The following FOXC1 variants were observed in gnomAD, a reference collection of about 807,000 sequenced individuals.
FOXC1 encodes forkhead box protein C1.
Under a neutral mutation model 8.1 loss-of-function variants are expected in FOXC1, and 5 were observed. The ratio of observed to expected loss-of-function variants is 0.62; its 90% CI spans 0.32 to 1.30. The LOEUF (loss-of-function observed/expected upper bound fraction) is 1.30. FOXC1 is among the 50% of genes most tolerant of loss of function. The pLI is 0.05. For synonymous variants in FOXC1, 552 were observed against 417.2 expected, an observed-to-expected ratio of 1.32 and a Z score of -3.94; for missense variants, 942 against 858.0, an observed-to-expected ratio of 1.10 and a Z score of -1.22.
At position 1,610,710 on chromosome 6, in the gene FOXC1, A is replaced by G; in HGVS notation, c.265A>G (p.Met89Val). 1.9e-6 allele frequency: 3 copies of G among 1,613,898 alleles called. No homozygotes were observed. The highest frequency in any genetic ancestry group is 1.7e-5 in the Admixed American group (1 of 60,016). The change falls in exon 1 of 1, where the codon ATG becomes GTG. Residue 89 changes from methionine to valine, a missense_variant. By Grantham distance (21) the Met-to-Val change is conservative (BLOSUM62 1). Around this residue, in one of 4 missense-constraint regions of FOXC1, gnomAD observed 190 missense variants for 176.8 expected, o/e 1.07. Transcript: ENST00000645831. The part of the protein sequence containing the change: ...PPYSYIALIT[M>V]AIQNAPDKKI... ...CTATAGCTACATCGCGCTCATCACC[A>G]TGGCCATCCAGAACGCCCCGGACAA...
At position 1,610,603 on chromosome 6, in the gene FOXC1, C is replaced by G; in HGVS notation, c.158C>G (p.Ala53Gly). Residue 53 changes from alanine (A) to glycine (G), a missense_variant, in exon 1 of 1, where the codon GCC becomes GGC. Physicochemically the swap from Ala to Gly is moderately conservative, Grantham distance 60 (BLOSUM62 0). This residue lies in a region of FOXC1 where 190 missense variants were observed against 176.8 expected (regional missense o/e 1.07). Coordinates refer to ENST00000645831, the MANE Select transcript of FOXC1 (RefSeq NM_001453.3). ...PMSVYSHPAH[A>G]EQYPGGMARA... ...AGCGTGTACTCGCACCCTGCGCACGCCGAGCAGTACCCGGGCGGCATGGCC... is the reference window on the plus strand; with the variant it reads ...AGCGTGTACTCGCACCCTGCGCACGGCGAGCAGTACCCGGGCGGCATGGCC... 1 of 1,609,060 alleles carries G rather than the reference C, an allele frequency of 6.2e-7. No individual in the cohort carries two copies. The highest frequency in any genetic ancestry group is 8.5e-7 in the Non-Finnish European group (1 of 1,178,618).
chr6:1,611,122 T>A lies in FOXC1; in HGVS notation c.677T>A (p.Ile226Asn). 1 of 1,413,284 alleles carries A rather than the reference T, an allele frequency of 7.1e-7. No individual in the cohort carries two copies. Among genetic ancestry groups the A allele is most frequent in the Non-Finnish European group, 9.3e-7 (1 of 1,072,760 alleles). 87.5% of individuals were successfully genotyped at this position (1,413,284 alleles called of 1,614,324 possible). A position where few individuals can be genotyped will look rare whatever the true frequency, so the allele number is the denominator to read the frequency against. Residue 226 changes from isoleucine (I) to asparagine (N), a missense_variant, in exon 1 of 1, where the codon ATC becomes AAC. Transcript: ENST00000645831. This position sits in a 1 kb window ranked among gnomAD's most constrained non-coding sequence, Gnocchi z 7.1. ...CCGCCGCCCGTGCGCATCCAGGACA[T>A]CAAGACCGAGAACGGTACGTGCCCC... is the stretch of plus-strand genomic sequence containing the variant. ...PQPPPVRIQDIKTENGTCPSP... is the reference protein window; with the variant it reads ...PQPPPVRIQDNKTENGTCPSP...
At position 1,610,529 on chromosome 6, in the gene FOXC1, G is replaced by T; in HGVS notation, c.84G>T (p.Ala28=). Residue 28 remains alanine (A), a synonymous_variant, in exon 1 of 1, where the codon GCG becomes GCT. Transcript: ENST00000645831. ...GCGGCGAGCAGAGCTACTACCGCGC[G>T]GCGGCCGCGGCGGCCGGGGGCGGCT... ...YLGGEQSYYR[A]AAAAAGGGYT... The T allele has an allele frequency of 6.5e-7, 1 of 1,530,210 alleles. No homozygotes were observed. The allele number at this position is 1,530,210 out of a possible 1,614,324, so 94.8% of individuals were successfully genotyped here. A position where few individuals can be genotyped will look rare whatever the true frequency, so the allele number is the denominator to read the frequency against.
chr6:1,611,634 C>T lies in FOXC1; in HGVS notation c.1189C>T (p.Leu397=), dbSNP rs771039137. 4.1e-4 allele frequency: 543 copies of T among 1,319,086 alleles called. No homozygotes were observed. The highest frequency in any genetic ancestry group is 5.0e-4 in the Non-Finnish European group (518 of 1,043,120). 81.7% of individuals were successfully genotyped at this position (1,319,086 alleles called of 1,614,324 possible). ...CGGCGCCGGGACCTACCACTGCAAC[C>T]TGCAAGCCATGAGCCTGTACGCGGC... ...AGGAGTYHCN[L]QAMSLYAAGE... The change falls in exon 1 of 1, where the codon CTG becomes TTG. Residue 397 remains leucine (L), a synonymous_variant. Coordinates refer to ENST00000645831, the MANE Select transcript of FOXC1 (RefSeq NM_001453.3). This position sits in a 1 kb window ranked among gnomAD's most constrained non-coding sequence, Gnocchi z 7.1.
chr6:1,611,025 C>T lies in FOXC1; in HGVS notation c.580C>T (p.Pro194Ser), dbSNP rs767879416. 1.9e-6 allele frequency: 3 copies of T among 1,557,780 alleles called. No individual in the cohort carries two copies. Among genetic ancestry groups the T allele is most frequent in the East Asian group, 2.4e-5 (1 of 40,958 alleles). The change falls in exon 1 of 1, where the codon CCG (proline) becomes TCG (serine). Residue 194 changes from proline to serine, a missense_variant. This residue lies in a region of FOXC1 where 726 missense variants were observed against 599.6 expected (regional missense o/e 1.21). Coordinates refer to ENST00000645831, the MANE Select transcript of FOXC1 (RefSeq NM_001453.3). The surrounding 1 kb of genome is among the most constrained non-coding windows in gnomAD (Gnocchi z 7.1). ...GAAGGACAGGCTGCACCTCAAGGAG[C>T]CGCCCCCGCCCGGCCGCCAGCCCCC... is the stretch of plus-strand genomic sequence containing the variant. ...EEKDRLHLKE[P>S]PPPGRQPPPA...
Position 1,611,394 on chromosome 6 carries a change from C to T in FOXC1, c.949C>T (p.Leu317=), listed in dbSNP as rs1441009622. The change falls in exon 1 of 1, where the codon CTG becomes TTG. Residue 317 remains leucine, a synonymous_variant. Transcript: ENST00000645831. This position sits in a 1 kb window ranked among gnomAD's most constrained non-coding sequence, Gnocchi z 7.1. ...GFSVDNIMTS[L]RGSPQSAAAE... ...CAGCGTGGACAACATCATGACGTCG[C>T]TGCGGGGGTCGCCGCAGAGCGCGGC... 1 of 1,451,038 alleles carries T rather than the reference C, an allele frequency of 6.9e-7. No individual in the cohort carries two copies. Among genetic ancestry groups the T allele is most frequent in the Admixed American group, 2.3e-5 (1 of 42,908 alleles). The allele number at this position is 1,451,038 out of a possible 1,614,324, so 89.9% of individuals were successfully genotyped here.
chr6:1,612,203 TAAA>T lies in FOXC1; in HGVS notation c.*102_*104del. 1.3e-6 allele frequency: 2 copies of T among 1,541,174 alleles called. No homozygotes were observed. The highest frequency in any genetic ancestry group is 1.8e-6 in the Non-Finnish European group (2 of 1,134,048). On this transcript the variant is annotated 3_prime_UTR_variant, in exon 1 of 1. Coordinates refer to ENST00000645831, the MANE Select transcript of FOXC1 (RefSeq NM_001453.3). ...CGAAACTAAAAAAAAAAAATCCAAT[TAAA>T]AAAAACCCCTGAGAATATTCACCAC...
In FOXC1 at chr6:1,610,977, G is replaced by C. The variant is rs751970827; in HGVS notation, c.532G>C (p.Asp178His). Residue 178 changes from aspartate (D) to histidine (H), a missense_variant, in exon 1 of 1, where the codon GAC becomes CAC. Transcript: ENST00000645831. Reference protein sequence around the residue: ...LRRRRRFKKKDAVKDKEEKDR... With the variant: ...LRRRRRFKKKHAVKDKEEKDR... ...GCGGCGGCGGCGCTTCAAGAAGAAG[G>C]ACGCGGTGAAGGACAAGGAGGAGAA... 2.6e-5 allele frequency: 42 copies of C among 1,613,076 alleles called. No individual in the cohort carries two copies. The highest frequency in any genetic ancestry group is 1.8e-4 in the East Asian group (8 of 44,820).
At position 1,610,402 on chromosome 6, in the gene FOXC1, G is replaced by A; in HGVS notation, c.-44G>A. 3.5e-6 allele frequency: 4 copies of A among 1,126,884 alleles called. No homozygotes were observed. The highest frequency in any genetic ancestry group is 4.4e-6 in the Non-Finnish European group (4 of 913,408). The allele number at this position is 1,126,884 out of a possible 1,614,324, so 69.8% of individuals were successfully genotyped here. ...CGCGGCGCGGCCCGGCCCGAGCGAG[G>A]GTGGGGGGCGGCGGGCGGCGCGGGG... is the stretch of plus-strand genomic sequence containing the variant. On this transcript the variant is annotated 5_prime_UTR_variant, in exon 1 of 1. Transcript: ENST00000645831.
At position 1,610,427 on chromosome 6, in the gene FOXC1, G is replaced by T. The variant is rs1762514206; in HGVS notation, c.-19G>T. 16 of 1,264,970 alleles carry T rather than the reference G, an allele frequency of 1.3e-5. No individual in the cohort carries two copies. Among genetic ancestry groups the T allele is most frequent in the Non-Finnish European group, 1.5e-5 (15 of 1,002,024 alleles). 78.4% of individuals were successfully genotyped at this position (1,264,970 alleles called of 1,614,324 possible). ...GGTGGGGGGCGGCGGGCGGCGCGGG[G>T]CGGCGGCGAGCGGGGGCCATGCAGG... is the stretch of plus-strand genomic sequence containing the variant. On this transcript the variant is annotated 5_prime_UTR_variant, in exon 1 of 1. Transcript: ENST00000645831.
Position 1,612,281 on chromosome 6 carries a change from C to A in FOXC1, c.*174C>A. 3.2e-6 allele frequency: 3 copies of A among 941,920 alleles called. No homozygotes were observed. Among genetic ancestry groups the A allele is most frequent in the Non-Finnish European group, 4.8e-6 (3 of 624,026 alleles). The allele number at this position is 941,920 out of a possible 1,614,324, so 58.3% of individuals were successfully genotyped here. On this transcript the variant is annotated 3_prime_UTR_variant, in exon 1 of 1. Transcript: ENST00000645831. ...AAAATTCAGCTCACCAGCACCAGCA[C>A]GAAGAAAACTCTATTTTCTTAACCG...
Position 1,612,110 on chromosome 6 carries a change from C to T in FOXC1, c.*3C>T, listed in dbSNP as rs1356049082. 4.3e-6 allele frequency: 7 copies of T among 1,613,932 alleles called. No homozygotes were observed. Among genetic ancestry groups the T allele is most frequent in the Middle Eastern group, 1.6e-4 (1 of 6,062 alleles). Reference sequence around the variant, plus strand: ...TCTACGACTGTAGCAAGTTTTGACACACCCTCAAAGCCGAACTAAATCGAA... The same window carrying T: ...TCTACGACTGTAGCAAGTTTTGACATACCCTCAAAGCCGAACTAAATCGAA... On this transcript the variant is annotated 3_prime_UTR_variant, in exon 1 of 1. Transcript: ENST00000645831.
rs1258567842 is a variant in FOXC1, at chr6:1,612,758, CTTTT to C, written c.*652_*655del. On this transcript the variant is annotated 3_prime_UTR_variant, in exon 1 of 1. Coordinates refer to ENST00000645831, the MANE Select transcript of FOXC1 (RefSeq NM_001453.3). ...AACTGTATTAATCTTATTCTATCCT[CTTTT>C]CTTTCTTTTTGTTGAACATATTCAT... 9.4e-6 allele frequency: 2 copies of C among 211,780 alleles called. No individual in the cohort carries two copies. Among genetic ancestry groups the C allele is most frequent in the Non-Finnish European group, 2.1e-5 (2 of 95,484 alleles). 13.1% of individuals were successfully genotyped at this position (211,780 alleles called of 1,614,324 possible).
chr6:1,611,213 G>C lies in FOXC1; in HGVS notation c.768G>C (p.Lys256Asn). The change falls in exon 1 of 1, where the codon AAG (lysine) becomes AAC (asparagine). Residue 256 changes from lysine to asparagine, a missense_variant. By Grantham distance (94) the Lys-to-Asn change is moderately conservative. This residue lies in a region of FOXC1 where 726 missense variants were observed against 599.6 expected (regional missense o/e 1.21). Coordinates refer to ENST00000645831, the MANE Select transcript of FOXC1 (RefSeq NM_001453.3). This position sits in a 1 kb window ranked among gnomAD's most constrained non-coding sequence, Gnocchi z 7.1. ...GCGGCAGCGCCGCCGCGGTGCCCAA[G>C]ATCGAGAGCCCCGACAGCAGCAGCA... Reference protein sequence around the residue: ...LGSGSAAAVPKIESPDSSSSS... With the variant: ...LGSGSAAAVPNIESPDSSSSS... 6.9e-7 allele frequency: 1 copy of C among 1,458,528 alleles called. No individual in the cohort carries two copies. Among genetic ancestry groups the C allele is most frequent in the Non-Finnish European group, 9.0e-7 (1 of 1,105,732 alleles). The allele number at this position is 1,458,528 out of a possible 1,614,324, so 90.3% of individuals were successfully genotyped here.
In FOXC1 at chr6:1,611,493, C is replaced by T. The variant is rs1255433970; in HGVS notation, c.1048C>T (p.Leu350Phe). 7 of 1,376,420 alleles carry T rather than the reference C, an allele frequency of 5.1e-6. No individual in the cohort carries two copies. Among genetic ancestry groups the T allele is most frequent in the Non-Finnish European group, 6.6e-6 (7 of 1,060,088 alleles). 85.3% of individuals were successfully genotyped at this position (1,376,420 alleles called of 1,614,324 possible). ...CGCGGGGATCGCACCCCCGCTGGCG[C>T]TCGGCGCCTACTCGCCCGGCCAGAG... ...SRAGIAPPLA[L>F]GAYSPGQSSL... The change falls in exon 1 of 1, where the codon CTC (leucine) becomes TTC (phenylalanine). Residue 350 changes from leucine (L) to phenylalanine (F), a missense_variant. Physicochemically the swap from Leu to Phe is conservative, Grantham distance 22. Around this residue, in one of 4 missense-constraint regions of FOXC1, gnomAD observed 726 missense variants for 599.6 expected, o/e 1.21. Transcript: ENST00000645831. The surrounding 1 kb of genome is among the most constrained non-coding windows in gnomAD (Gnocchi z 7.1).
Position 1,613,402 on chromosome 6 carries a change from T to A in FOXC1, c.*1295T>A, listed in dbSNP as rs1762588701. ...TCCTTCATGTATTACATAGAAGGATTGCTTTTTTAAAAATATACTGCGGGT... is the reference window on the plus strand; with the variant it reads ...TCCTTCATGTATTACATAGAAGGATAGCTTTTTTAAAAATATACTGCGGGT... On this transcript the variant is annotated 3_prime_UTR_variant, in exon 1 of 1. Coordinates refer to ENST00000645831, the MANE Select transcript of FOXC1 (RefSeq NM_001453.3). The A allele has an allele frequency of 4.3e-6, 1 of 229,956 alleles. No homozygotes were observed. The highest frequency in any genetic ancestry group is 5.9e-5 in the Admixed American group (1 of 17,080). The allele number at this position is 229,956 out of a possible 1,614,324, so 14.2% of individuals were successfully genotyped here. A position where few individuals can be genotyped will look rare whatever the true frequency, so the allele number is the denominator to read the frequency against.
Position 1,611,558 on chromosome 6 carries a change from G to A in FOXC1, c.1113G>A (p.Ala371=). The A allele has an allele frequency of 1.7e-6, 2 of 1,208,398 alleles. No individual in the cohort carries two copies. Among genetic ancestry groups the A allele is most frequent in the East Asian group, 4.1e-5 (1 of 24,416 alleles). 74.9% of individuals were successfully genotyped at this position (1,208,398 alleles called of 1,614,324 possible). ...YSSPCSQTSS[A]GSSGGGGGGA... Reference sequence around the variant, plus strand: ...CCCCCTGCAGCCAGACCTCCAGCGCGGGCAGCTCGGGCGGCGGCGGCGGCG... The same window carrying A: ...CCCCCTGCAGCCAGACCTCCAGCGCAGGCAGCTCGGGCGGCGGCGGCGGCG... The change falls in exon 1 of 1, where the codon GCG becomes GCA. Residue 371 remains alanine (A), a synonymous_variant. Transcript: ENST00000645831. The surrounding 1 kb of genome is among the most constrained non-coding windows in gnomAD (Gnocchi z 7.1).
rs181076077 is a variant in FOXC1 at position 1,613,553 on chromosome 6, G to A, written c.*1446G>A. 4.4e-6 allele frequency: 1 copy of A among 227,788 alleles called. No homozygotes were observed. The highest frequency in any genetic ancestry group is 5.9e-5 in the Admixed American group (1 of 17,026). 14.1% of individuals were successfully genotyped at this position (227,788 alleles called of 1,614,324 possible). A position where few individuals can be genotyped will look rare whatever the true frequency, so the allele number is the denominator to read the frequency against. On this transcript the variant is annotated 3_prime_UTR_variant, in exon 1 of 1. Transcript: ENST00000645831. ...AGAGGAGCAGAACATTTTGGTCTAG[G>A]GTGGTTTCTTTTTAAACCATTTTTT...
Position 1,611,801 on chromosome 6 carries a change from C to CG in FOXC1, c.1358dup (p.Gly454ArgfsTer74), listed in dbSNP as rs1254949034. ...TGAGTCACGGCGGCGGCGGCGGCGG[C>CG]GGCGGGGGAGGCCAGGAGGCCGGCC... On this transcript the variant is annotated frameshift_variant, in exon 1 of 1. Transcript: ENST00000645831. LOFTEE classifies it high-confidence loss of function. This position sits in a 1 kb window ranked among gnomAD's most constrained non-coding sequence, Gnocchi z 7.1. 1 of 1,465,164 alleles carries CG rather than the reference C, an allele frequency of 6.8e-7. No homozygotes were observed. The highest frequency in any genetic ancestry group is 9.0e-7 in the Non-Finnish European group (1 of 1,112,704). 90.8% of individuals were successfully genotyped at this position (1,465,164 alleles called of 1,614,324 possible). A position where few individuals can be genotyped will look rare whatever the true frequency, so the allele number is the denominator to read the frequency against.
Sources: gnomAD v4.1 joint callset for allele counts on GRCh38, gnomAD v4.1.1 for gene constraint, gnomAD v4.1.1 regional missense constraint, Gnocchi (gnomAD v3.1) non-coding constraint, MANE v1.5 for transcripts, NCBI Gene and HGNC (gene_info 2026-07-23, HGNC 2026-07-21) for gene names.